Variants in EPHA4 observed in about 807,000 individuals in gnomAD.
The protein encoded by EPHA4 is ephrin type-A receptor 4.
In EPHA4, 19 loss-of-function variants were observed where a neutral mutation model predicts 108.3. The ratio of observed to expected loss-of-function variants is 0.18; its 90% CI spans 0.12 to 0.26. The LOEUF (loss-of-function observed/expected upper bound fraction) is 0.26, where lower values mean the gene tolerates loss of function less well. EPHA4 is among the 10% of genes least tolerant of loss of function. The pLI is 1.00. For synonymous variants in EPHA4, 449 were observed against 455.5 expected (o/e 0.99, Z 0.18); for missense variants, 917 against 1,254.0 (o/e 0.73, Z 4.06).
chr2:221,482,914 C>T (rs967121893), intron 4 of EPHA4, among the ~76,000 whole-genome samples: 10 of 152,182 alleles, frequency 6.6e-5, no homozygotes, highest in African/African-American at 2.4e-4. Context: ...AACAAGGCAT[C>T]GGTTGTCACT....
chr2:221,466,684 T>C (rs559121522), intron 5 of EPHA4, among the ~76,000 whole-genome samples: 4 of 152,210 alleles, frequency 2.6e-5, no homozygotes, highest in Non-Finnish European at 4.4e-5. Flanking sequence ...TTGCAGGACT[T>C]AATTCATGTA....
At chr2:221,496,698 C>T (rs948159185) in intron 4 of EPHA4, among the ~76,000 whole-genome samples, 3 of 151,894 alleles carry the variant, frequency 2.0e-5, no homozygotes, top group Non-Finnish European at 4.4e-5. Context: ...ACCTGAGGTC[C>T]GGAATTCAAG....
chr2:221,466,366 A>T (rs1053023418), intron 5 of EPHA4, among the ~76,000 whole-genome samples: 1 of 152,240 alleles, frequency 6.6e-6, no homozygotes. Flanking sequence ...AAGAATGGGG[A>T]AAGGAGCAAA....
intron 4 of EPHA4, among the ~76,000 whole-genome samples, chr2:221,499,735 TA>T (rs1559267571): frequency 4.5e-4 from 22 of 49,412 alleles, no homozygotes; most frequent in African/African-American, 2.3e-3. Flanking sequence ...TATATATATA[TA>T]TATATATATA....
At chr2:221,440,241 T>C (rs3770196) in intron 11 of EPHA4, among the ~76,000 whole-genome samples, 35,010 of 152,078 alleles carry the variant, frequency 0.23, 4,079 homozygotes, top group Non-Finnish European at 0.25. Context: ...TGCAAATGCA[T>C]CCAGTCGTTT....
intron 3 of EPHA4, among the ~76,000 whole-genome samples, chr2:221,530,123 T>C (rs895284783): frequency 2.6e-5 from 4 of 151,378 alleles, no homozygotes; most frequent in African/African-American, 9.7e-5. Context: ...AAAGGAACAT[T>C]GTTGCACAAA....
At chr2:221,510,007 G>A (rs568216473) in intron 3 of EPHA4, among the ~76,000 whole-genome samples, 98 of 152,298 alleles carry the variant, frequency 6.4e-4, no homozygotes, top group Admixed American at 4.2e-3. Context: ...TACACAGGAG[G>A]ATAAAAGACA....
chr2:221,497,502 G>A (rs1013916538), intron 4 of EPHA4, among the ~76,000 whole-genome samples: 3 of 152,188 alleles, frequency 2.0e-5, no homozygotes, highest in Non-Finnish European at 4.4e-5. Flanking sequence ...ACTTTGAGAA[G>A]CTGAGGTCCA....
rs186319858 is a variant in EPHA4, at chr2:221,538,543, A to G, written c.823+25188T>C. ...CTCTCTTTTTTTCTCCCCCAAAAGA[A>G]AGAGAATTTGCCAGAATCTGCATAA... On this transcript the variant is annotated intron_variant, in intron 3 of 17. Transcript: ENST00000281821. Among the ~76,000 whole-genome samples the G allele has an allele frequency of 1.3e-4, 20 of 152,340 alleles. No homozygotes were observed. In the East Asian group the frequency reaches 3.9e-3, roughly 29 times the overall value.
At chr2:221,473,674 T>C (rs1691565275) in intron 5 of EPHA4, among the ~76,000 whole-genome samples, 1 of 151,572 alleles carries the variant, frequency 6.6e-6, no homozygotes, top group South Asian at 2.1e-4. Flanking sequence ...TGGAGACCCA[T>C]CTGGCTCCTC....
chr2:221,470,227 A>G (rs762453846), intron 5 of EPHA4, among the ~76,000 whole-genome samples: 2 of 151,458 alleles, frequency 1.3e-5, no homozygotes, highest in African/African-American at 2.4e-5. Flanking sequence ...TCCAAGTCCA[A>G]GTGTTGCTTG....
At chr2:221,568,822 T>C (rs1297376222) in intron 1 of EPHA4, 37 bp from the exon 2 acceptor site, 37 of 1,581,174 alleles carry the variant, frequency 2.3e-5, no homozygotes, top group Non-Finnish European at 2.8e-5. Context: ...GAATTTCCAA[T>C]TGCAAAAAGC....
Position 221,568,727 on chromosome 2 carries a change from C to T in EPHA4, c.150G>A (p.Leu50=), listed in dbSNP as rs1406982496. 1 of 1,613,460 alleles carries T rather than the reference C, an allele frequency of 6.2e-7. No homozygotes were observed. The highest frequency in any genetic ancestry group is 8.5e-7 in the Non-Finnish European group (1 of 1,179,666). Residue 50 remains leucine (L), a synonymous_variant, in exon 2 of 18, where the codon CTG becomes CTA. Transcript: ENST00000281821. ...GCAACTCAGGACTTACCCCTCCTTC[C>T]AGAGGGCTTGCTATCCACCCAAGTT... is the stretch of plus-strand genomic sequence containing the variant. ...QGELGWIASP[L]EGGWEEVSIM... is the part of the protein sequence containing the mutation.
chr2:221,505,537 G>A (rs568792372), intron 3 of EPHA4, among the ~76,000 whole-genome samples: 5 of 152,130 alleles, frequency 3.3e-5, no homozygotes, highest in African/African-American at 1.2e-4. Context: ...TGTTAGTCAG[G>A]CTGGTTTTGA....
chr2:221,501,448 C>T (rs138354350), intron 3 of EPHA4: 20 of 329,912 alleles, frequency 6.1e-5, no homozygotes, highest in Admixed American at 5.2e-4. Context: ...CAAAGTTTAC[C>T]GAACGCCTTT....
At chr2:221,556,227 T>A (rs1181022026) in intron 3 of EPHA4, among the ~76,000 whole-genome samples, 1 of 152,150 alleles carries the variant, frequency 6.6e-6, no homozygotes, top group Non-Finnish European at 1.5e-5. Context: ...TTAACACAAA[T>A]AGCATATTTT....
intron 3 of EPHA4, among the ~76,000 whole-genome samples, chr2:221,537,781 T>C (rs968318326): frequency 6.6e-6 from 1 of 151,932 alleles, no homozygotes; most frequent in Non-Finnish European, 1.5e-5. Flanking sequence ...TAGAGTGAGA[T>C]TCCATCGAAA....
In EPHA4 at chr2:221,470,340, GGAGA is replaced by G. The variant is rs375132663; in HGVS notation, c.1318+12008_1318+12011del. Among the ~76,000 whole-genome samples the G allele has an allele frequency of 2.5e-3, 373 of 147,860 alleles. 1 individual carries two copies. The highest frequency in any genetic ancestry group is 3.9e-3 in the Non-Finnish European group (262 of 66,650). On this transcript the variant is annotated intron_variant, in intron 5 of 17. Coordinates refer to ENST00000281821, the MANE Select transcript of EPHA4 (RefSeq NM_004438.5). ...GAGACAGAGAGAGAAAGGGCGGGGGGGAGAGAGAGAGAGAGAGAGAGAAACAGGA... is the reference window on the plus strand; with the variant it reads ...GAGACAGAGAGAGAAAGGGCGGGGGGGAGAGAGAGAGAGAGAGAAACAGGA...
intron 3 of EPHA4, among the ~76,000 whole-genome samples, chr2:221,553,555 C>A (rs1463611117): frequency 6.6e-6 from 1 of 152,152 alleles, no homozygotes; most frequent in Non-Finnish European, 1.5e-5. Context: ...ATCTGGAGCC[C>A]TGGGAGAACA....
Sources: allele counts gnomAD v4.1 joint callset (sites outside exome capture counted in the v4.1 genomes callset), GRCh38; gene constraint gnomAD v4.1.1; transcripts MANE v1.5; gene names NCBI Gene and HGNC (gene_info 2026-07-23, HGNC 2026-07-21).